Variants in GOSR1 observed in about 807,000 individuals in gnomAD.
The protein encoded by GOSR1 is 28 kDa Golgi SNARE protein.
GOSR1 carries 21 observed loss-of-function variants against 35.5 expected under a neutral mutation model. The observed-to-expected ratio is 0.59, with a 90% CI of 0.42 to 0.85. The LOEUF (loss-of-function observed/expected upper bound fraction) is 0.85. Among genes scored for constraint, GOSR1 ranks in the 40% least tolerant of loss-of-function variants. GOSR1 has a pLI of 0.00. For synonymous variants in GOSR1, 94 were observed against 106.6 expected, an observed-to-expected ratio of 0.88 and a Z score of 0.73; for missense variants, 285 against 309.6, an observed-to-expected ratio of 0.92 and a Z score of 0.60.
At chr17:30,503,416 C>T (rs566849352) in intron 6 of GOSR1, among the ~76,000 whole-genome samples, 1 of 152,168 alleles carries the variant, frequency 6.6e-6, no homozygotes, top group Admixed American at 6.6e-5. Context: ...TTCTTAATTA[C>T]AGGCTCTAGA....
intron 6 of GOSR1, among the ~76,000 whole-genome samples, chr17:30,507,430 C>T (rs958643908): frequency 6.6e-6 from 1 of 152,104 alleles, no homozygotes; most frequent in African/African-American, 2.4e-5. Flanking sequence ...GAAGTGGAGC[C>T]TGAGCTGGGT....
chr17:30,488,450 C>T (rs1914817119), intron 4 of GOSR1, among the ~76,000 whole-genome samples: 1 of 152,006 alleles, frequency 6.6e-6, no homozygotes, highest in Admixed American at 6.6e-5. Flanking sequence ...AGGCGTGAGC[C>T]ACTGCGCCCA....
rs763129326 is a variant in GOSR1 at position 30,477,431 on chromosome 17, A to G, written c.-3A>G. 3 of 1,609,584 alleles carry G rather than the reference A, an allele frequency of 1.9e-6. No homozygotes were observed. The highest frequency in any genetic ancestry group is 3.4e-5 in the Admixed American group (2 of 59,596). On this transcript the variant is annotated 5_prime_UTR_variant, in exon 1 of 9. Coordinates refer to ENST00000451249, the MANE Select transcript of GOSR1 (RefSeq NM_001007025.2). ...CTATCCCGGCTGACGTTGGACGACA[A>G]AGATGGCGGCAGGGACCAGCAGTTA... is the stretch of plus-strand genomic sequence containing the variant.
Position 30,522,448 on chromosome 17 carries a change from G to C in GOSR1, c.*70G>C, listed in dbSNP as rs1015691027. On this transcript the variant is annotated 3_prime_UTR_variant, in exon 9 of 9. Transcript: ENST00000451249. ...TGGTCTGGAATAAGGAAACATCGGAGGGAGAAGTTGACTGTCTTGATAATT... is the reference window on the plus strand; with the variant it reads ...TGGTCTGGAATAAGGAAACATCGGACGGAGAAGTTGACTGTCTTGATAATT... 17 of 1,304,220 alleles carry C rather than the reference G, an allele frequency of 1.3e-5. No individual in the cohort carries two copies. In the African/African-American group the frequency reaches 2.4e-4, roughly 18 times the overall value. The allele number at this position is 1,304,220 out of a possible 1,614,324, so 80.8% of individuals were successfully genotyped here. A position where few individuals can be genotyped will look rare whatever the true frequency, so the allele number is the denominator to read the frequency against.
Position 30,525,819 on chromosome 17 carries a change from G to A in GOSR1, c.*3441G>A, listed in dbSNP as rs1259066962. ...GAATTATGTTGGTTATTTTCTTTAT[G>A]AAAATAAACCAGTTCTTCCAAGGAA... is the stretch of plus-strand genomic sequence containing the variant. On this transcript the variant is annotated 3_prime_UTR_variant, in exon 9 of 9. Transcript: ENST00000451249. 6.6e-6 allele frequency: 1 copy of A among 152,152 alleles called. No individual in the cohort carries two copies. Among genetic ancestry groups the A allele is most frequent in the Non-Finnish European group, 1.5e-5 (1 of 68,016 alleles). The allele number at this position is 152,152 out of a possible 1,614,324, so 9.4% of individuals were successfully genotyped here.
Position 30,522,337 on chromosome 17 carries a change from G to A in GOSR1, c.706G>A (p.Gly236Arg). 2 of 1,610,088 alleles carry A rather than the reference G, an allele frequency of 1.2e-6. No homozygotes were observed. Among genetic ancestry groups the A allele is most frequent in the Non-Finnish European group, 1.7e-6 (2 of 1,177,938 alleles). Residue 236 changes from glycine (G) to arginine (R), a missense_variant, in exon 9 of 9, where the codon GGG (glycine) becomes AGG (arginine). Gly to Arg is a moderately radical substitution (Grantham distance 125). Coordinates refer to ENST00000451249, the MANE Select transcript of GOSR1 (RefSeq NM_001007025.2). The stretch of plus-strand genomic sequence containing the variant: ...CTCGCTCATCCTAGGGGGTGTTATT[G>A]GGATCTGTACCATCCTGTTGCTGCT... ...RDSLILGGVI[G>R]ICTILLLLYA...
chr17:30,522,210 G>A, intron 8 of GOSR1, 44 bp from the exon 9 acceptor site: 2 of 1,546,076 alleles, frequency 1.3e-6, no homozygotes, highest in Admixed American at 1.9e-5. Context: ...CTTTTCGCCA[G>A]AGAGGCTTCT....
intron 6 of GOSR1, among the ~76,000 whole-genome samples, chr17:30,508,103 G>A (rs559800268): frequency 6.6e-6 from 1 of 152,282 alleles, no homozygotes; most frequent in Non-Finnish European, 1.5e-5. Flanking sequence ...AGATTTGTTG[G>A]GAGGATGAAG....
At chr17:30,516,149 T>C (rs1967799089) in intron 7 of GOSR1, among the ~76,000 whole-genome samples, 1 of 151,464 alleles carries the variant, frequency 6.6e-6, no homozygotes, top group Admixed American at 6.6e-5. Context: ...GTTCTTATTG[T>C]AACAACTTAA....
intron 4 of GOSR1, among the ~76,000 whole-genome samples, chr17:30,487,925 G>A (rs1160776597): frequency 2.6e-5 from 4 of 151,992 alleles, no homozygotes; most frequent in African/African-American, 9.7e-5. Context: ...ACAGGTGTGC[G>A]CCACCACGCC....
chr17:30,517,581 GT>G (rs1258862147), intron 7 of GOSR1, among the ~76,000 whole-genome samples: 13 of 147,450 alleles, frequency 8.8e-5, no homozygotes, highest in Non-Finnish European at 1.6e-4. Context: ...GTTACTTCCA[GT>G]TTTGGGGGAT....
At chr17:30,504,737 GA>G (rs1320369191) in intron 6 of GOSR1, among the ~76,000 whole-genome samples, 5 of 152,124 alleles carry the variant, frequency 3.3e-5, no homozygotes, top group Non-Finnish European at 7.4e-5. Flanking sequence ...CAACTTCAAA[GA>G]ATTTTCTTTA....
At chr17:30,480,296 C>T (rs1245979297) in intron 1 of GOSR1, 1 of 147,670 alleles carries the variant, frequency 6.8e-6, no homozygotes, top group African/African-American at 2.5e-5. Context: ...GGTGACAGAA[C>T]GAGACTCCAT....
rs1400948177 is a variant in GOSR1 at position 30,527,106 on chromosome 17, C to G, written c.*4728C>G. On this transcript the variant is annotated 3_prime_UTR_variant, in exon 9 of 9. Coordinates refer to ENST00000451249, the MANE Select transcript of GOSR1 (RefSeq NM_001007025.2). ...GGTGCAGTGGCTAACACCTGTAATC[C>G]CAGCAGTTCGAGAGGCCGAGGCAGG... 2.0e-5 allele frequency: 3 copies of G among 152,174 alleles called. No individual in the cohort carries two copies. The highest frequency in any genetic ancestry group is 4.4e-5 in the Non-Finnish European group (3 of 68,038). 9.4% of individuals were successfully genotyped at this position (152,174 alleles called of 1,614,324 possible). A position where few individuals can be genotyped will look rare whatever the true frequency, so the allele number is the denominator to read the frequency against.
At chr17:30,494,606 C>A (rs924771704) in intron 6 of GOSR1, among the ~76,000 whole-genome samples, 24 of 151,896 alleles carry the variant, frequency 1.6e-4, no homozygotes, top group Admixed American at 2.6e-4. Context: ...CCTTTATAAT[C>A]TTTTCTTTCT....
intron 6 of GOSR1, among the ~76,000 whole-genome samples, chr17:30,506,833 G>C (rs1243070377): frequency 6.6e-6 from 1 of 152,146 alleles, no homozygotes; most frequent in Non-Finnish European, 1.5e-5. Flanking sequence ...TTAAATTGAA[G>C]CCATTGTGTA....
In GOSR1 at chr17:30,523,691, T is replaced by C. The variant is rs755147905; in HGVS notation, c.*1313T>C. 12 of 181,688 alleles carry C rather than the reference T, an allele frequency of 6.6e-5. No homozygotes were observed. Among genetic ancestry groups the C allele is most frequent in the Non-Finnish European group, 1.2e-4 (11 of 89,538 alleles). 11.3% of individuals were successfully genotyped at this position (181,688 alleles called of 1,614,324 possible). ...CTGGGAAGTGAGGAGCCCCTCTGCCTGGCCACCACCCCATCTGGGAGGTGT... is the reference window on the plus strand; with the variant it reads ...CTGGGAAGTGAGGAGCCCCTCTGCCCGGCCACCACCCCATCTGGGAGGTGT... On this transcript the variant is annotated 3_prime_UTR_variant, in exon 9 of 9. Coordinates refer to ENST00000451249, the MANE Select transcript of GOSR1 (RefSeq NM_001007025.2).
At position 30,484,728 on chromosome 17, in the gene GOSR1, A is replaced by C; in HGVS notation, c.300A>C (p.Ala100=). 1 of 1,599,850 alleles carries C rather than the reference A, an allele frequency of 6.3e-7. No individual in the cohort carries two copies. The highest frequency in any genetic ancestry group is 8.6e-7 in the Non-Finnish European group (1 of 1,168,084). Reference sequence around the variant, plus strand: ...GTGCAGGTGTCCCCTCCTTGAATGCAGCCCTGATGCATACATTACAGCGGC... The same window carrying C: ...GTGCAGGTGTCCCCTCCTTGAATGCCGCCCTGATGCATACATTACAGCGGC... The part of the protein sequence containing the change: ...TNSAGVPSLN[A]ALMHTLQRHR... Residue 100 remains alanine, a synonymous_variant, in exon 4 of 9, where the codon GCA becomes GCC. Transcript: ENST00000451249.
intron 6 of GOSR1, among the ~76,000 whole-genome samples, chr17:30,500,172 A>T (rs1411411294): frequency 6.6e-6 from 1 of 152,028 alleles, no homozygotes; most frequent in Non-Finnish European, 1.5e-5. Flanking sequence ...CGAGGTTTTT[A>T]ATTTTGATGA....
Sources: allele counts gnomAD v4.1 joint callset (sites outside exome capture counted in the v4.1 genomes callset), GRCh38; gene constraint gnomAD v4.1.1; transcripts MANE v1.5; gene names NCBI Gene and HGNC (gene_info 2026-07-23, HGNC 2026-07-21).